Variants in RARB observed in about 807,000 individuals in gnomAD.
RARB encodes the protein retinoic acid receptor beta.
RARB carries 17 observed loss-of-function variants against 51.9 expected under a neutral mutation model. The observed-to-expected ratio is 0.33, with a 90% CI of 0.22 to 0.49. The LOEUF (loss-of-function observed/expected upper bound fraction) is 0.49, where lower values mean the gene tolerates loss of function less well. RARB is among the 20% of genes least tolerant of loss of function. The pLI, the probability that RARB is intolerant of heterozygous loss-of-function variation, is 0.99. For synonymous variants in RARB, 215 were observed against 195.4 expected (o/e 1.10, Z -0.84); for missense variants, 369 against 550.8 (o/e 0.67, Z 3.30).
At chr3:25,089,837 C>G (rs992009442) in intron 3 of RARB, among the ~76,000 whole-genome samples, 17 of 152,068 alleles carry the variant, frequency 1.1e-4, no homozygotes, top group African/African-American at 3.4e-4. Flanking sequence ...TTCATAGATT[C>G]TATTCCTAGT....
At chr3:25,517,003 C>T (rs937522450) in intron 3 of RARB, among the ~76,000 whole-genome samples, 5 of 152,070 alleles carry the variant, frequency 3.3e-5, no homozygotes, top group Non-Finnish European at 7.4e-5. Flanking sequence ...GTAAAAATGA[C>T]AAATTCTTCC....
At chr3:25,426,076 A>G (rs528532737), upstream of RARB, among the ~76,000 whole-genome samples, 9 of 152,310 alleles carry the variant, frequency 5.9e-5, no homozygotes, top group African/African-American at 2.2e-4. Context: ...AAGGAACTCT[A>G]AGGACCTTAA....
Position 24,992,520 on chromosome 3 carries a change from G to T in RARB, c.-379-67605G>T, listed in dbSNP as rs548084162. 5.3e-5 allele frequency among the ~76,000 whole-genome samples: 8 copies of T among 152,242 alleles called. No individual in the cohort carries two copies. The South Asian group carries it at 1.7e-3, about 32-fold the overall frequency. On this transcript the variant is annotated intron_variant, in intron 2 of 11. Coordinates refer to the RARB transcript ENST00000383772. ...AAAAGCACTACTGATCTGTTTCATG[G>T]CTATAAATTGTGTTAGTTTGCTAGG...
intron 5 of RARB, among the ~76,000 whole-genome samples, chr3:25,319,470 C>T (rs1177538853): frequency 6.6e-6 from 1 of 152,270 alleles, no homozygotes; most frequent in African/African-American, 2.4e-5. Context: ...GTCATCAATT[C>T]TCCTTCTCAA....
chr3:25,390,066 A>C (rs1706907161), intron 5 of RARB, among the ~76,000 whole-genome samples: 1 of 152,130 alleles, frequency 6.6e-6, no homozygotes, highest in Admixed American at 6.6e-5. Context: ...CTGTTGTCTG[A>C]ATGTTTGTAT....
intron 2 of RARB, among the ~76,000 whole-genome samples, chr3:24,861,409 G>C (rs928493588): frequency 1.3e-5 from 2 of 152,062 alleles, no homozygotes; most frequent in East Asian, 3.9e-4. Flanking sequence ...TTAATACAGA[G>C]AGGTGGTTCC....
intron 5 of RARB, among the ~76,000 whole-genome samples, chr3:25,176,423 A>G (rs955536834): frequency 2.1e-5 from 3 of 142,316 alleles, no homozygotes; most frequent in Non-Finnish European, 3.0e-5. Context: ...TTGAGATGGT[A>G]TCTCGCTCTG....
At chr3:25,492,066 G>C (rs1232609900) in intron 2 of RARB, among the ~76,000 whole-genome samples, 2 of 152,198 alleles carry the variant, frequency 1.3e-5, no homozygotes, top group Non-Finnish European at 2.9e-5. Flanking sequence ...GCCCTGCCCA[G>C]AACACAGCTC....
intron 2 of RARB, among the ~76,000 whole-genome samples, chr3:25,057,390 T>C (rs988577669): frequency 2.0e-5 from 3 of 152,052 alleles, no homozygotes; most frequent in Non-Finnish European, 2.9e-5. Flanking sequence ...ATTCTGGCCG[T>C]TTTTCCACAC....
chr3:25,467,348 G>T (rs930311815), intron 2 of RARB, among the ~76,000 whole-genome samples: 1 of 152,194 alleles, frequency 6.6e-6, no homozygotes, highest in Non-Finnish European at 1.5e-5. Flanking sequence ...GGCTGACTTG[G>T]CTTGGGCCAG....
intron 5 of RARB, among the ~76,000 whole-genome samples, chr3:25,328,758 G>A (rs547071045): frequency 6.6e-6 from 1 of 152,282 alleles, no homozygotes; most frequent in East Asian, 1.9e-4. Context: ...AGGGGTCAGG[G>A]AACTCCCTTT....
intron 1 of RARB, among the ~76,000 whole-genome samples, chr3:25,446,802 CAAAAAAAAAAAAAAAA>C (rs5847356): frequency 1.4e-5 from 1 of 69,076 alleles, no homozygotes; most frequent in South Asian, 6.7e-4. Flanking sequence ...GACTCCGTCT[CAAAAAAAAAAAAAAAA>C]AAAAAAAAAA....
At chr3:25,380,562 C>T (rs929040488) in intron 5 of RARB, among the ~76,000 whole-genome samples, 3 of 151,790 alleles carry the variant, frequency 2.0e-5, no homozygotes, top group African/African-American at 7.3e-5. Context: ...TCCTGCATGC[C>T]AACCCTTAGT....
At chr3:24,955,312 A>G (rs1351526991) in intron 2 of RARB, among the ~76,000 whole-genome samples, 1 of 152,138 alleles carries the variant, frequency 6.6e-6, no homozygotes, top group Non-Finnish European at 1.5e-5. Context: ...TCTCCTCTTA[A>G]CAATCAGCCA....
rs115046496 is a variant in RARB at position 25,198,828 on chromosome 3, A to G, written c.178+24253A>G. ...GGATGTGGAGAAAAGGGACCCTCAT[A>G]CAGGGTTGGAGGGAATGTAAATTAA... is the stretch of plus-strand genomic sequence containing the variant. On this transcript the variant is annotated intron_variant, in intron 5 of 11. Coordinates refer to the RARB transcript ENST00000383772. 4.1e-3 allele frequency among the ~76,000 whole-genome samples: 630 copies of G among 152,204 alleles called. 2 individuals carry two copies. The highest frequency in any genetic ancestry group is 0.014 in the African/African-American group (585 of 41,546).
At position 25,079,371 on chromosome 3, in the gene RARB, C is replaced by G. The variant is rs538281371; in HGVS notation, c.-328+19195C>G. Among the ~76,000 whole-genome samples, 44 of 152,122 alleles carry G rather than the reference C, an allele frequency of 2.9e-4. No individual in the cohort carries two copies. The South Asian group carries it at 8.5e-3, about 29-fold the overall frequency. On this transcript the variant is annotated intron_variant, in intron 3 of 11. Coordinates refer to the RARB transcript ENST00000383772. ...ACTGAATGCTAATTCTTTTTCTTGC[C>G]TCATTGTGCCAGACAGAACCTCTAA...
At chr3:25,468,555 TAA>T (rs59512048) in intron 2 of RARB, among the ~76,000 whole-genome samples, 1 of 150,960 alleles carries the variant, frequency 6.6e-6, no homozygotes, top group Non-Finnish European at 1.5e-5. Flanking sequence ...CTTTTCCTGT[TAA>T]AAAAAACACC....
intron 2 of RARB, among the ~76,000 whole-genome samples, chr3:24,953,420 G>C (rs1016333082): frequency 3.7e-4 from 56 of 152,270 alleles, no homozygotes; most frequent in African/African-American, 1.3e-3. Flanking sequence ...TAAAGAACCA[G>C]GGCCTCACTT....
chr3:24,992,603 AC>A (rs1696936348), intron 2 of RARB, among the ~76,000 whole-genome samples: 1 of 152,198 alleles, frequency 6.6e-6, no homozygotes, highest in Non-Finnish European at 1.5e-5. Flanking sequence ...GTGTTTTCTC[AC>A]AATTCTGAAT....
Sources: gnomAD v4.1 joint callset for allele counts (sites outside exome capture counted in the v4.1 genomes callset) on GRCh38, gnomAD v4.1.1 for gene constraint, MANE v1.5 for transcripts, NCBI Gene and HGNC (gene_info 2026-07-23, HGNC 2026-07-21) for gene names.